Variants in TTBK2 observed in about 807,000 individuals in gnomAD.
The protein encoded by TTBK2 is tau-tubulin kinase 2.
In TTBK2, 28 loss-of-function variants were observed where a neutral mutation model predicts 110.8. That is an observed-to-expected ratio of 0.25 (90% CI 0.19 to 0.35). The LOEUF (loss-of-function observed/expected upper bound fraction) is 0.35. Ranked by LOEUF, TTBK2 falls within the 10% of genes least tolerant of loss-of-function variation. The pLI is 1.00. For missense variants in TTBK2, 1,369 were observed against 1,500.3 expected, an observed-to-expected ratio of 0.91 and a Z score of 1.45; for synonymous variants, 532 against 527.3, an observed-to-expected ratio of 1.01 and a Z score of -0.12.
chr15:42,752,678 G>A lies in TTBK2; in HGVS notation c.2568C>T (p.Ser856=), dbSNP rs1482537808. 2 of 1,614,030 alleles carry A rather than the reference G, an allele frequency of 1.2e-6. No individual in the cohort carries two copies. The highest frequency in any genetic ancestry group is 1.7e-6 in the Non-Finnish European group (2 of 1,180,004). Residue 856 remains serine (S), a synonymous_variant, in exon 14 of 15, where the codon TCC becomes TCT. Transcript: ENST00000267890. The part of the protein sequence containing the change: ...LLTVGTSEIS[S]RDIDPHVEGQ... ...CTTCAACATGTGGGTCAATGTCTCT[G>A]GAAGAAATTTCTGAAGTTCCAACTG...
At chr15:42,757,611 G>A (rs929757078) in intron 13 of TTBK2, among the ~76,000 whole-genome samples, 1 of 152,214 alleles carries the variant, frequency 6.6e-6, no homozygotes. Flanking sequence ...ATCAGTAGTT[G>A]AGTATAGAGA....
At chr15:42,815,949 T>TTAAAAAA (rs1194813331) in intron 7 of TTBK2, among the ~76,000 whole-genome samples, 1 of 37,174 alleles carries the variant, frequency 2.7e-5, no homozygotes, top group African/African-American at 1.8e-4. Flanking sequence ...TATATATATT[T>TTAAAAAA]AAAAAAAAAA....
chr15:42,891,168 C>T (rs943510739), intron 1 of TTBK2, among the ~76,000 whole-genome samples: 1 of 150,472 alleles, frequency 6.6e-6, no homozygotes, highest in African/African-American at 2.5e-5. Flanking sequence ...GCCACCATGC[C>T]CGACTTTTTT....
chr15:42,827,448 T>C (rs116031779), intron 6 of TTBK2, among the ~76,000 whole-genome samples: 1 of 152,166 alleles, frequency 6.6e-6, no homozygotes, highest in African/African-American at 2.4e-5. Context: ...AAACTGCCTG[T>C]GAGAGTGACC....
At chr15:42,772,090 C>T (rs556507329) in intron 13 of TTBK2, among the ~76,000 whole-genome samples, 2 of 152,168 alleles carry the variant, frequency 1.3e-5, no homozygotes, top group African/African-American at 2.4e-5. Context: ...TTCACACCCT[C>T]GTATAGACCC....
intron 4 of TTBK2, among the ~76,000 whole-genome samples, chr15:42,835,934 T>A (rs532028874): frequency 1.8e-4 from 27 of 152,298 alleles, no homozygotes; most frequent in African/African-American, 6.5e-4. Flanking sequence ...GTATGTTTAA[T>A]TTTTCCCATA....
chr15:42,755,961 C>T (rs957887666), intron 13 of TTBK2, among the ~76,000 whole-genome samples: 1 of 151,964 alleles, frequency 6.6e-6, no homozygotes, highest in Non-Finnish European at 1.5e-5. Flanking sequence ...TCTGGGGGGC[C>T]GAGGCAGGCT....
rs187345619 is a variant in TTBK2 at position 42,919,369 on chromosome 15, T to C, written c.-68+1069A>G. Among the ~76,000 whole-genome samples the C allele has an allele frequency of 2.1e-3, 325 of 152,316 alleles. 3 individuals are homozygous for C. The highest frequency in any genetic ancestry group is 3.1e-3 in the Non-Finnish European group (212 of 68,018). On this transcript the variant is annotated intron_variant, in intron 1 of 14. Coordinates refer to ENST00000267890, the MANE Select transcript of TTBK2 (RefSeq NM_173500.4). Reference sequence around the variant, plus strand: ...ATCATTTCCCCCTTCTATCCCCAAATGAACTTTATTCTATTCCATTTAGCC... The same window carrying C: ...ATCATTTCCCCCTTCTATCCCCAAACGAACTTTATTCTATTCCATTTAGCC...
At chr15:42,828,710 G>A (rs1210946537) in intron 5 of TTBK2, among the ~76,000 whole-genome samples, 1 of 143,848 alleles carries the variant, frequency 7.0e-6, no homozygotes, top group African/African-American at 2.6e-5. Context: ...GTGACAGAGT[G>A]AGACTCTGTC....
At chr15:42,799,140 C>T (rs1414975091) in intron 9 of TTBK2, among the ~76,000 whole-genome samples, 2 of 152,034 alleles carry the variant, frequency 1.3e-5, no homozygotes, top group Non-Finnish European at 2.9e-5. Flanking sequence ...GAGGCCAAGG[C>T]GAGCGGATCA....
rs959733754 is a variant in TTBK2 at position 42,854,838 on chromosome 15, G to A, written c.218-14405C>T. Among the ~76,000 whole-genome samples, 9 of 151,872 alleles carry A rather than the reference G, an allele frequency of 5.9e-5. No homozygotes were observed. In the East Asian group the frequency reaches 1.7e-3, roughly 29 times the overall value. ...TTCAGCAAATTATTACAGAACCTCA[G>A]TATTTATTTTTCTTACTCAGAAAAA... On this transcript the variant is annotated intron_variant, in intron 3 of 14. Coordinates refer to ENST00000267890, the MANE Select transcript of TTBK2 (RefSeq NM_173500.4).
chr15:42,831,004 C>CA (rs199953624), intron 4 of TTBK2, among the ~76,000 whole-genome samples: 20,817 of 139,872 alleles, frequency 0.15, 1,762 homozygotes, highest in Admixed American at 0.24. Context: ...GACTCCATCT[C>CA]AAAAAAAAAA....
At chr15:42,912,342 C>T (rs543230721) in intron 1 of TTBK2, among the ~76,000 whole-genome samples, 354 of 152,246 alleles carry the variant, frequency 2.3e-3, no homozygotes, top group Non-Finnish European at 3.0e-3. Context: ...GTAATAAACT[C>T]CTACATTTAG....
chr15:42,918,559 C>T (rs1227243050), intron 1 of TTBK2, among the ~76,000 whole-genome samples: 1 of 152,164 alleles, frequency 6.6e-6, no homozygotes, highest in Admixed American at 6.5e-5. Flanking sequence ...TCCATGATCA[C>T]AGCTAACTCG....
Position 42,838,063 on chromosome 15 carries a change from C to T in TTBK2, c.291+2297G>A, listed in dbSNP as rs575958249. Among the ~76,000 whole-genome samples the T allele has an allele frequency of 1.1e-4, 16 of 151,928 alleles. No individual in the cohort carries two copies. In the East Asian group the frequency reaches 1.7e-3, roughly 17 times the overall value. ...TCTCTACTAAAAATACAAAAAGTAG[C>T]GAGGCGTGGTGGCGACTACCTGTAA... On this transcript the variant is annotated intron_variant, in intron 4 of 14. Coordinates refer to ENST00000267890, the MANE Select transcript of TTBK2 (RefSeq NM_173500.4).
At chr15:42,788,782 A>G (rs1890516672) in intron 10 of TTBK2, among the ~76,000 whole-genome samples, 1 of 152,212 alleles carries the variant, frequency 6.6e-6, no homozygotes, top group Non-Finnish European at 1.5e-5. Context: ...TATACACAGC[A>G]TATGAATATA....
intron 6 of TTBK2, among the ~76,000 whole-genome samples, chr15:42,819,063 T>C (rs1419000433): frequency 1.3e-5 from 2 of 151,448 alleles, no homozygotes; most frequent in Admixed American, 6.6e-5. Flanking sequence ...AAAATGATCA[T>C]AGACACACTT....
intron 13 of TTBK2, among the ~76,000 whole-genome samples, chr15:42,758,189 A>G (rs1347001170): frequency 2.6e-5 from 4 of 152,242 alleles, no homozygotes; most frequent in Admixed American, 1.3e-4. Flanking sequence ...TGAAATTTCT[A>G]TGTCTCATTT....
intron 7 of TTBK2, among the ~76,000 whole-genome samples, chr15:42,816,065 TATATAAAAATAAATAAATAA>T (rs1891985689): frequency 2.9e-5 from 3 of 102,992 alleles, no homozygotes; most frequent in South Asian, 3.0e-4. Context: ...AAAATATATA[TATATAAAAATAAATAAATAA>T]ATATATATAT....
Sources: allele counts gnomAD v4.1 joint callset (sites outside exome capture counted in the v4.1 genomes callset), GRCh38; gene constraint gnomAD v4.1.1; transcripts MANE v1.5; gene names NCBI Gene and HGNC (gene_info 2026-07-23, HGNC 2026-07-21).